MIPOL1: variants seen among roughly 807,000 people sequenced by gnomAD.
The protein encoded by MIPOL1 is mirror-image polydactyly gene 1 protein.
In MIPOL1, 57 loss-of-function variants were observed where a neutral mutation model predicts 60.9. That is an observed-to-expected ratio of 0.94 (90% CI 0.76 to 1.17). MIPOL1 has a LOEUF of 1.17. Among genes scored for constraint, MIPOL1 ranks in the 50% most tolerant of loss-of-function variants. The pLI, the probability that MIPOL1 is intolerant of heterozygous loss-of-function variation, is 0.00. For missense variants in MIPOL1, 551 were observed against 511.6 expected (o/e 1.08, Z -0.74); for synonymous variants, 179 against 168.8 (o/e 1.06, Z -0.47).
At chr14:37,359,966 T>A (rs1426926177) in intron 9 of MIPOL1, among the ~76,000 whole-genome samples, 1 of 152,174 alleles carries the variant, frequency 6.6e-6, no homozygotes, top group Non-Finnish European at 1.5e-5. Context: ...TTGTCATAAA[T>A]AGCTCTTATT....
At chr14:37,248,326 T>G (rs1459253154) in intron 3 of MIPOL1, among the ~76,000 whole-genome samples, 1 of 151,256 alleles carries the variant, frequency 6.6e-6, no homozygotes, top group Non-Finnish European at 1.5e-5. Context: ...AGGAAGATAC[T>G]TGAAGAGGGA....
chr14:37,426,570 C>CATACATATATATAT (rs1555339853), intron 11 of MIPOL1, among the ~76,000 whole-genome samples: 1 of 85,530 alleles, frequency 1.2e-5, no homozygotes, highest in South Asian at 3.6e-4. Context: ...TCAAAATATA[C>CATACATATATATAT]ATATATATAT....
chr14:37,240,321 A>G (rs1173497725), intron 1 of MIPOL1: 1 of 152,144 alleles, frequency 6.6e-6, no homozygotes, highest in African/African-American at 2.4e-5. Flanking sequence ...ATTATTTTTA[A>G]CTTTATTTTT....
chr14:37,291,219 T>C (rs1473240973), intron 7 of MIPOL1, among the ~76,000 whole-genome samples: 1 of 152,154 alleles, frequency 6.6e-6, no homozygotes, highest in African/African-American at 2.4e-5. Context: ...CAATCACAAC[T>C]GGCTCATGAA....
intron 9 of MIPOL1, among the ~76,000 whole-genome samples, chr14:37,330,623 C>T (rs1488255277): frequency 1.2e-4 from 18 of 151,806 alleles, no homozygotes; most frequent in African/African-American, 3.1e-4. Flanking sequence ...CTTGAGAAGC[C>T]GTGGGTGTAA....
intron 11 of MIPOL1, among the ~76,000 whole-genome samples, chr14:37,499,360 A>G (rs1282018224): frequency 6.6e-6 from 1 of 152,178 alleles, no homozygotes; most frequent in Non-Finnish European, 1.5e-5. Flanking sequence ...GTATATATGA[A>G]TACATTTTAT....
intron 9 of MIPOL1, among the ~76,000 whole-genome samples, chr14:37,315,214 GCATTC>G (rs1478191111): frequency 1.3e-5 from 2 of 152,162 alleles, no homozygotes; most frequent in African/African-American, 4.8e-5. Context: ...TATGGAAAGA[GCATTC>G]CATTAGAAAA....
Position 37,478,329 on chromosome 14 carries a change from A to G in MIPOL1, c.1032-21579A>G, listed in dbSNP as rs143913507. 2.4e-3 allele frequency among the ~76,000 whole-genome samples: 365 copies of G among 152,332 alleles called. 1 individual carries two copies. The highest frequency in any genetic ancestry group is 8.3e-3 in the African/African-American group (347 of 41,584). On this transcript the variant is annotated intron_variant, in intron 11 of 12. Transcript: ENST00000684589. ...ATGAACTGAAAATTGAAAAACTGCA[A>G]ATATTCAACAGGCTGGTTGCAGAAA... is the stretch of plus-strand genomic sequence containing the variant.
At chr14:37,340,869 G>T (rs1171116975) in intron 9 of MIPOL1, among the ~76,000 whole-genome samples, 1 of 152,064 alleles carries the variant, frequency 6.6e-6, no homozygotes, top group Non-Finnish European at 1.5e-5. Flanking sequence ...AACTTCCAGT[G>T]CTATAAGCTC....
intron 11 of MIPOL1, among the ~76,000 whole-genome samples, chr14:37,451,500 A>G (rs545610051): frequency 6.6e-6 from 1 of 152,274 alleles, no homozygotes; most frequent in Admixed American, 6.5e-5. Flanking sequence ...TGGACAACAC[A>G]TTCACATGCC....
chr14:37,514,147 A>G (rs185386097), intron 12 of MIPOL1, among the ~76,000 whole-genome samples: 2 of 152,282 alleles, frequency 1.3e-5, no homozygotes, highest in East Asian at 1.9e-4. Context: ...TATATGAAAT[A>G]TAAGTTCCTT....
chr14:37,428,112 G>T (rs2093996995), intron 11 of MIPOL1, among the ~76,000 whole-genome samples: 1 of 152,106 alleles, frequency 6.6e-6, no homozygotes, highest in Non-Finnish European at 1.5e-5. Flanking sequence ...ATAGGATTAG[G>T]ACAGGTAGCT....
downstream of MIPOL1, chr14:37,551,262 C>T (rs973251922): frequency 6.6e-6 from 1 of 152,016 alleles, no homozygotes; most frequent in Non-Finnish European, 1.5e-5. Flanking sequence ...AAATCCTATA[C>T]ATATTTCAAT....
Position 37,359,683 on chromosome 14 carries a change from C to T in MIPOL1, c.829-9834C>T, listed in dbSNP as rs140188933. 6.2e-3 allele frequency among the ~76,000 whole-genome samples: 940 copies of T among 152,170 alleles called. 8 individuals are homozygous for T. The highest frequency in any genetic ancestry group is 0.02 in the African/African-American group (816 of 41,524). On this transcript the variant is annotated intron_variant, in intron 9 of 12. Transcript: ENST00000684589. ...GATTTTTGCACATTGATTTTGTATC[C>T]TGAGAATTTGCCTAATTTGCTTATC... is the stretch of plus-strand genomic sequence containing the variant.
intron 11 of MIPOL1, among the ~76,000 whole-genome samples, chr14:37,437,060 A>T (rs2094173583): frequency 6.6e-6 from 1 of 152,164 alleles, no homozygotes; most frequent in African/African-American, 2.4e-5. Context: ...GAATTTATTA[A>T]GGTTTAATTT....
chr14:37,508,031 A>G (rs549654274), intron 12 of MIPOL1, among the ~76,000 whole-genome samples: 1 of 152,148 alleles, frequency 6.6e-6, no homozygotes. Context: ...GGCAAAATGT[A>G]TCTTCATGAG....
chr14:37,211,810 G>C (rs1327658473), intron 1 of MIPOL1, among the ~76,000 whole-genome samples: 1 of 151,724 alleles, frequency 6.6e-6, no homozygotes, highest in Non-Finnish European at 1.5e-5. Flanking sequence ...TTCCAAAAGA[G>C]ACCCTTTCCT....
intron 3 of MIPOL1, among the ~76,000 whole-genome samples, chr14:37,251,566 G>GA (rs1394911319): frequency 1.3e-5 from 2 of 150,546 alleles, no homozygotes; most frequent in African/African-American, 2.4e-5. Flanking sequence ...AAAAAAAAAG[G>GA]AAAAAATGAA....
At chr14:37,251,054 T>G (rs564274298) in intron 3 of MIPOL1, among the ~76,000 whole-genome samples, 3 of 151,242 alleles carry the variant, frequency 2.0e-5, no homozygotes, top group Non-Finnish European at 3.0e-5. Context: ...TAAACCCAAG[T>G]TTTTTTTTAT....
Sources: allele counts gnomAD v4.1 joint callset (sites outside exome capture counted in the v4.1 genomes callset), GRCh38; gene constraint gnomAD v4.1.1; transcripts MANE v1.5; gene names NCBI Gene and HGNC (gene_info 2026-07-23, HGNC 2026-07-21).